TAF4B: variants seen among roughly 807,000 people sequenced by gnomAD.
TAF4B encodes transcription initiation factor TFIID subunit 4B.
Under a neutral mutation model 86.4 loss-of-function variants are expected in TAF4B, and 38 were observed. That is an observed-to-expected ratio of 0.44 (90% confidence interval 0.34 to 0.58). The LOEUF is 0.58. Among genes scored for constraint, TAF4B ranks in the 20% least tolerant of loss-of-function variants. TAF4B has a pLI of 0.02. For synonymous variants in TAF4B, 388 were observed against 391.2 expected (o/e 0.99, Z 0.10); for missense variants, 988 against 1,027.6 (o/e 0.96, Z 0.53).
At chr18:26,235,216 G>T (rs2055730997) in intron 1 of TAF4B, among the ~76,000 whole-genome samples, 3 of 152,088 alleles carry the variant, frequency 2.0e-5, no homozygotes, top group African/African-American at 7.2e-5. Flanking sequence ...TACAGTATTT[G>T]CCCTCTGGGT....
At chr18:26,348,157 C>T (rs987750873) in intron 13 of TAF4B, among the ~76,000 whole-genome samples, 4 of 152,130 alleles carry the variant, frequency 2.6e-5, no homozygotes, top group Non-Finnish European at 5.9e-5. Flanking sequence ...CAGTATTGAC[C>T]ATATGTTAGG....
At chr18:26,321,021 A>G (rs940913054) in intron 10 of TAF4B, 49 bp from the exon 11 acceptor site, 19 of 1,608,812 alleles carry the variant, frequency 1.2e-5, no homozygotes, top group Non-Finnish European at 1.6e-5. Context: ...AATTATTTCA[A>G]TTATCAGCCA....
At position 26,285,994 on chromosome 18, in the gene TAF4B, C is replaced by G. The variant is rs897133694; in HGVS notation, c.1085C>G (p.Thr362Arg). ...MVIATCTTTV[T>R]TSPVVTTTVS... ...ATTGCTACCTGTACTACAACAGTAA[C>G]AACTTCTCCTGTGGTGACAACTACA... The change falls in exon 7 of 15, where the codon ACA becomes AGA. Residue 362 changes from threonine to arginine, a missense_variant. Physicochemically the swap from Thr to Arg is moderately conservative, Grantham distance 71 (BLOSUM62 -1). This residue lies in a region of TAF4B where 747 missense variants were observed against 737.9 expected (regional missense o/e 1.01). Transcript: ENST00000269142. 1.9e-6 allele frequency: 3 copies of G among 1,614,112 alleles called. No homozygotes were observed. In the African/African-American group the frequency reaches 4.0e-5, roughly 22 times the overall value.
intron 10 of TAF4B, among the ~76,000 whole-genome samples, chr18:26,317,302 G>A (rs1204699314): frequency 6.6e-6 from 1 of 152,010 alleles, no homozygotes; most frequent in Non-Finnish European, 1.5e-5. Context: ...AAATGCTGGG[G>A]TTACAGTCGT....
At chr18:26,372,709 G>A (rs1044288497) in intron 14 of TAF4B, among the ~76,000 whole-genome samples, 2 of 152,100 alleles carry the variant, frequency 1.3e-5, no homozygotes, top group Non-Finnish European at 2.9e-5. Context: ...GGTGGCTCAT[G>A]CCTGTAATCC....
chr18:26,363,603 A>G (rs1280067727), intron 14 of TAF4B, among the ~76,000 whole-genome samples: 2 of 152,102 alleles, frequency 1.3e-5, no homozygotes, highest in African/African-American at 2.4e-5. Context: ...TGCTCCTTCA[A>G]TGTTTAGGTA....
chr18:26,327,116 A>C lies in TAF4B; in HGVS notation c.2235A>C (p.Arg745Ser). The change falls in exon 12 of 15, where the codon AGA becomes AGC. Residue 745 changes from arginine (R) to serine (S), a missense_variant. By Grantham distance (110) the Arg-to-Ser change is moderately radical. Coordinates refer to ENST00000269142, the MANE Select transcript of TAF4B (RefSeq NM_005640.3). ...LEKQRKDLEE[R>S]EMLLKAAKSR... ...AGCAGAGAAAGGATTTGGAAGAAAG[A>C]GAAATGTTACTTAAGGCAGCCAAGG... The C allele has an allele frequency of 6.2e-7, 1 of 1,613,152 alleles. No homozygotes were observed. Among genetic ancestry groups the C allele is most frequent in the Non-Finnish European group, 8.5e-7 (1 of 1,179,810 alleles).
intron 1 of TAF4B, among the ~76,000 whole-genome samples, chr18:26,231,635 G>A (rs537470701): frequency 8.6e-5 from 13 of 152,040 alleles, no homozygotes; most frequent in Non-Finnish European, 1.9e-4. Flanking sequence ...CTGCAGGCAT[G>A]AGCCACTGTG....
intron 9 of TAF4B, among the ~76,000 whole-genome samples, chr18:26,300,139 G>T (rs1429832443): frequency 6.6e-6 from 1 of 151,756 alleles, no homozygotes; most frequent in African/African-American, 2.4e-5. Flanking sequence ...GCATCACCAT[G>T]CCCGGCTAAT....
chr18:26,362,690 A>G (rs1374840794), intron 14 of TAF4B, among the ~76,000 whole-genome samples: 2 of 152,210 alleles, frequency 1.3e-5, no homozygotes, highest in Non-Finnish European at 2.9e-5. Context: ...GGATATAAAT[A>G]TATTGAATTG....
intron 1 of TAF4B, among the ~76,000 whole-genome samples, chr18:26,232,008 C>T (rs56395435): frequency 0.11 from 16,900 of 152,004 alleles, 964 homozygotes; most frequent in Middle Eastern, 0.15. Context: ...TTTTACAGAG[C>T]GCTGATTGGT....
chr18:26,285,222 G>GTTTTTGTTTGTTTTTTTT, intron 6 of TAF4B, among the ~76,000 whole-genome samples: 1 of 45,660 alleles, frequency 2.2e-5, no homozygotes, highest in Non-Finnish European at 4.5e-5. Context: ...TTTTTTTTTT[G>GTTTTTGTTTGTTTTTTTT]TTTTTTTTTT....
intron 13 of TAF4B, among the ~76,000 whole-genome samples, chr18:26,339,771 T>C (rs902737095): frequency 2.6e-5 from 4 of 152,260 alleles, no homozygotes; most frequent in African/African-American, 9.6e-5. Context: ...TTTTCTTTTC[T>C]TAGCACATCG....
chr18:26,356,196 G>C (rs1056517712), intron 13 of TAF4B, among the ~76,000 whole-genome samples: 3 of 152,044 alleles, frequency 2.0e-5, no homozygotes, highest in Admixed American at 6.5e-5. Flanking sequence ...TGGAAGGGGC[G>C]AGGGGTTTCT....
At chr18:26,363,298 G>A (rs1270400113) in intron 14 of TAF4B, among the ~76,000 whole-genome samples, 1 of 150,522 alleles carries the variant, frequency 6.6e-6, no homozygotes, top group African/African-American at 2.5e-5. Context: ...CAGGCTGGGT[G>A]CAGTGGCTCC....
chr18:26,228,127 A>G (rs1040861367), intron 1 of TAF4B, among the ~76,000 whole-genome samples: 4 of 152,208 alleles, frequency 2.6e-5, no homozygotes, highest in African/African-American at 7.2e-5. Context: ...CATGGTTTGT[A>G]TAAAGGTTTT....
chr18:26,274,356 A>G (rs887603364), intron 3 of TAF4B, among the ~76,000 whole-genome samples: 1 of 152,188 alleles, frequency 6.6e-6, no homozygotes, highest in Non-Finnish European at 1.5e-5. Context: ...TTTCACAAAA[A>G]ATCCTAGGAC....
At chr18:26,332,819 A>C (rs1232224408) in intron 12 of TAF4B, among the ~76,000 whole-genome samples, 1 of 152,152 alleles carries the variant, frequency 6.6e-6, no homozygotes, top group African/African-American at 2.4e-5. Flanking sequence ...GGCGTGAGCC[A>C]CCGTGCCCAG....
Position 26,227,288 on chromosome 18 carries a change from AC to A in TAF4B, c.343+15del, listed in dbSNP as rs2055592782. ...GCAGCTTCCTCCAGGTATGTTGATA[AC>A]CCTTTCCAGCCTTGTCTGTCGGTCC... On this transcript the variant is annotated intron_variant, in intron 1 of 14. Transcript: ENST00000269142. 6.2e-7 allele frequency: 1 copy of A among 1,606,644 alleles called. No individual in the cohort carries two copies. Among genetic ancestry groups the A allele is most frequent in the African/African-American group, 1.3e-5 (1 of 74,108 alleles).
Sources: gnomAD v4.1 joint callset for allele counts (sites outside exome capture counted in the v4.1 genomes callset) on GRCh38, gnomAD v4.1.1 for gene constraint, gnomAD v4.1.1 regional missense constraint, MANE v1.5 for transcripts, NCBI Gene and HGNC (gene_info 2026-07-23, HGNC 2026-07-21) for gene names.